LUZP2: variants seen among roughly 807,000 people sequenced by gnomAD.
LUZP2 encodes the protein leucine zipper protein 2.
A neutral mutation model predicts 51.6 loss-of-function variants in LUZP2; 52 were observed. That is an observed-to-expected ratio of 1.01 (90% CI 0.81 to 1.27). The LOEUF (loss-of-function observed/expected upper bound fraction) is 1.27, where lower values mean the gene tolerates loss of function less well. Ranked by LOEUF, LUZP2 falls within the 50% of genes most tolerant of loss-of-function variation. LUZP2 has a pLI of 0.00. For missense variants in LUZP2, 436 were observed against 395.4 expected (o/e 1.10, Z -0.87); for synonymous variants, 154 against 137.3 (o/e 1.12, Z -0.85).
At position 24,664,356 on chromosome 11, in the gene LUZP2, G is replaced by A. The variant is rs543115415; in HGVS notation, c.63-64813G>A. ...TTCTAAGCAGCAAAGCATTCAAGAG[G>A]AAACAGAGTATACAAGTTTGGAAAA... On this transcript the variant is annotated intron_variant, in intron 1 of 11. Transcript: ENST00000336930. Among the ~76,000 whole-genome samples, 8 of 152,236 alleles carry A rather than the reference G, an allele frequency of 5.3e-5. No homozygotes were observed. In the East Asian group the frequency reaches 1.5e-3, roughly 29 times the overall value.
chr11:24,582,181 A>G (rs146762042), intron 1 of LUZP2, among the ~76,000 whole-genome samples: 145 of 152,100 alleles, frequency 9.5e-4, no homozygotes, highest in Non-Finnish European at 1.7e-3. Context: ...TAATCTGATT[A>G]TAGTTTATTT....
chr11:24,628,191 GCACACACACACACCCATGCATACACACA>G (rs1288102531), intron 1 of LUZP2, among the ~76,000 whole-genome samples: 1 of 138,074 alleles, frequency 7.2e-6, no homozygotes, highest in East Asian at 2.1e-4. Context: ...GCATACACAC[GCACACACACACACCCATGCATACACACA>G]CACACACACA....
At chr11:24,787,679 T>G (rs977627390) in intron 5 of LUZP2, among the ~76,000 whole-genome samples, 1 of 152,190 alleles carries the variant, frequency 6.6e-6, no homozygotes. Flanking sequence ...GCAAGATTTT[T>G]TATTCTCTCA....
intron 7 of LUZP2, among the ~76,000 whole-genome samples, chr11:24,943,545 G>T (rs945608650): frequency 6.6e-6 from 1 of 152,098 alleles, no homozygotes; most frequent in Non-Finnish European, 1.5e-5. Context: ...TCTGGGGAAA[G>T]TCCATCTAAT....
At chr11:24,788,242 T>A (rs1331747715) in intron 5 of LUZP2, among the ~76,000 whole-genome samples, 6 of 136,784 alleles carry the variant, frequency 4.4e-5, no homozygotes, top group African/African-American at 1.6e-4. Context: ...CAGGCTGGAG[T>A]GCAGTGGCAC....
intron 1 of LUZP2, among the ~76,000 whole-genome samples, chr11:24,657,656 A>G (rs1427535024): frequency 6.6e-6 from 1 of 152,210 alleles, no homozygotes; most frequent in Admixed American, 6.6e-5. Flanking sequence ...TGGAGATGAC[A>G]TGAATTGTAT....
At chr11:24,806,900 G>A (rs1431640619) in intron 5 of LUZP2, among the ~76,000 whole-genome samples, 1 of 148,512 alleles carries the variant, frequency 6.7e-6, no homozygotes, top group Non-Finnish European at 1.5e-5. Flanking sequence ...TTGGAGGATA[G>A]GGGATGACAA....
chr11:24,782,473 A>T (rs1849122579), intron 5 of LUZP2, among the ~76,000 whole-genome samples: 1 of 152,064 alleles, frequency 6.6e-6, no homozygotes, highest in African/African-American at 2.4e-5. Flanking sequence ...TGGTCATGGT[A>T]TAACAGAGAT....
At position 24,976,627 on chromosome 11, in the gene LUZP2, G is replaced by C; in HGVS notation, c.559G>C (p.Val187Leu). The change falls in exon 8 of 12, where the codon GTA becomes CTA. Residue 187 changes from valine (V) to leucine (L), a missense_variant. Coordinates refer to ENST00000336930, the MANE Select transcript of LUZP2 (RefSeq NM_001009909.4). ...QLTDLEQKLA[V>L]AKNELEKAAL... is the part of the protein sequence containing the mutation. ...TACTGATCTGGAACAAAAATTAGCTGTAGCCAAAAATGAACTGGAGAAAGC... is the reference window on the plus strand; with the variant it reads ...TACTGATCTGGAACAAAAATTAGCTCTAGCCAAAAATGAACTGGAGAAAGC... The C allele has an allele frequency of 6.3e-7, 1 of 1,583,958 alleles. No homozygotes were observed. The highest frequency in any genetic ancestry group is 8.6e-7 in the Non-Finnish European group (1 of 1,167,926).
chr11:24,699,758 T>C (rs1361343488), intron 1 of LUZP2, among the ~76,000 whole-genome samples: 1 of 148,450 alleles, frequency 6.7e-6, no homozygotes, highest in East Asian at 1.9e-4. Flanking sequence ...AATTTATATA[T>C]ATATATATCT....
At chr11:24,851,186 G>T (rs184460311) in intron 5 of LUZP2, among the ~76,000 whole-genome samples, 13 of 152,220 alleles carry the variant, frequency 8.5e-5, no homozygotes, top group Non-Finnish European at 1.6e-4. Flanking sequence ...TCCTTGTCTT[G>T]TGCCCATTTT....
chr11:24,788,211 A>T (rs1413898715), intron 5 of LUZP2, among the ~76,000 whole-genome samples: 1 of 100,486 alleles, frequency 1.0e-5, no homozygotes, highest in South Asian at 3.4e-4. Context: ...TTTTTCTGAG[A>T]CTGAGTCTCA....
chr11:24,804,201 A>C (rs181374093), intron 5 of LUZP2, among the ~76,000 whole-genome samples: 1 of 152,110 alleles, frequency 6.6e-6, no homozygotes, highest in South Asian at 2.1e-4. Flanking sequence ...TTTTCTTATT[A>C]TATCACAAAA....
At chr11:24,852,077 A>AT (rs963803778) in intron 5 of LUZP2, among the ~76,000 whole-genome samples, 28 of 150,854 alleles carry the variant, frequency 1.9e-4, no homozygotes, top group Non-Finnish European at 3.2e-4. Context: ...GGATTCACTG[A>AT]TTTTTTTTAA....
chr11:24,734,182 G>A (rs1858838273), intron 3 of LUZP2, among the ~76,000 whole-genome samples: 1 of 151,784 alleles, frequency 6.6e-6, no homozygotes, highest in African/African-American at 2.4e-5. Flanking sequence ...ACAAGGACAG[G>A]GAGATCTCAA....
intron 5 of LUZP2, among the ~76,000 whole-genome samples, chr11:24,878,665 C>T (rs1047860323): frequency 6.6e-6 from 1 of 151,296 alleles, no homozygotes; most frequent in African/African-American, 2.4e-5. Flanking sequence ...ATTTTAGTTT[C>T]AGTTCCGGGA....
chr11:24,797,315 A>G (rs1242302106), intron 5 of LUZP2, among the ~76,000 whole-genome samples: 3 of 152,164 alleles, frequency 2.0e-5, no homozygotes, highest in Non-Finnish European at 4.4e-5. Flanking sequence ...GGGTCGTAGA[A>G]ATTCTGAAAA....
At chr11:24,566,550 ATATG>A (rs1269139796) in intron 1 of LUZP2, among the ~76,000 whole-genome samples, 3 of 146,416 alleles carry the variant, frequency 2.0e-5, no homozygotes, top group African/African-American at 7.6e-5. Context: ...ATGTATATAT[ATATG>A]TATGTGTATA....
intron 9 of LUZP2, among the ~76,000 whole-genome samples, chr11:25,005,026 C>T (rs1246147649): frequency 2.0e-5 from 3 of 152,188 alleles, no homozygotes; most frequent in Non-Finnish European, 2.9e-5. Flanking sequence ...ATGTACCTAT[C>T]AGGATCATCT....
Sources: allele counts gnomAD v4.1 joint callset (sites outside exome capture counted in the v4.1 genomes callset), GRCh38; gene constraint gnomAD v4.1.1; transcripts MANE v1.5; gene names NCBI Gene and HGNC (gene_info 2026-07-23, HGNC 2026-07-21).